Variants in NUAK1 observed in about 807,000 individuals in gnomAD.
NUAK1 encodes the protein NUAK family SNF1-like kinase 1.
NUAK1 carries 26 observed loss-of-function variants against 56.9 expected under a neutral mutation model. The ratio of observed to expected loss-of-function variants is 0.46; its 90% CI spans 0.33 to 0.63. The LOEUF (loss-of-function observed/expected upper bound fraction) is 0.63. Among genes scored for constraint, NUAK1 ranks in the 30% least tolerant of loss-of-function variants. The probability of loss-of-function intolerance (pLI) is 0.02; values close to 1 mark genes in which losing one functional copy is unlikely to be tolerated. For missense variants in NUAK1, 727 were observed against 876.1 expected (o/e 0.83, Z 2.15); for synonymous variants, 337 against 336.0 (o/e 1.00, Z -0.03).
rs2032329437 is a variant in NUAK1, at chr12:106,065,680, C to G, written c.*1122G>C. 1 of 152,646 alleles carries G rather than the reference C, an allele frequency of 6.6e-6. No individual in the cohort carries two copies. Among genetic ancestry groups the G allele is most frequent in the Admixed American group, 6.5e-5 (1 of 15,280 alleles). The allele number at this position is 152,646 out of a possible 1,614,324, so 9.5% of individuals were successfully genotyped here. Reference sequence around the variant, plus strand: ...GGGGAAACCATCTGTCACTGGTGAACAGAGCCAATGGTTCAGCCAGGTAAT... The same window carrying G: ...GGGGAAACCATCTGTCACTGGTGAAGAGAGCCAATGGTTCAGCCAGGTAAT... On this transcript the variant is annotated 3_prime_UTR_variant, in exon 7 of 7. Coordinates refer to ENST00000261402, the MANE Select transcript of NUAK1 (RefSeq NM_014840.3).
chr12:106,093,997 C>G (rs1456529184), intron 2 of NUAK1, among the ~76,000 whole-genome samples: 2 of 151,818 alleles, frequency 1.3e-5, no homozygotes, highest in African/African-American at 4.8e-5. Flanking sequence ...TTGGTAGAGA[C>G]AGGGTTTCGC....
At position 106,138,677 on chromosome 12, in the gene NUAK1, C is replaced by A. The variant is rs201732252; in HGVS notation, c.-24G>T. The A allele has an allele frequency of 6.7e-7, 1 of 1,495,624 alleles. No homozygotes were observed. The allele number at this position is 1,495,624 out of a possible 1,614,324, so 92.6% of individuals were successfully genotyped here. A position where few individuals can be genotyped will look rare whatever the true frequency, so the allele number is the denominator to read the frequency against. ...ATGTCCAAGCGCGGGGCGAGCCGGGCTACAGAGGGCAAGACCGGGCACAGC... is the reference window on the plus strand; with the variant it reads ...ATGTCCAAGCGCGGGGCGAGCCGGGATACAGAGGGCAAGACCGGGCACAGC... On this transcript the variant is annotated 5_prime_UTR_variant, in exon 1 of 7. Coordinates refer to ENST00000261402, the MANE Select transcript of NUAK1 (RefSeq NM_014840.3). The surrounding 1 kb of genome is among the most constrained non-coding windows in gnomAD (Gnocchi z 5.0).
At chr12:106,086,069 G>A (rs2136462219) in intron 3 of NUAK1, among the ~76,000 whole-genome samples, 1 of 152,154 alleles carries the variant, frequency 6.6e-6, no homozygotes, top group African/African-American at 2.4e-5. Flanking sequence ...AGCATAGAAA[G>A]GTTTCAAGAA....
Position 106,072,875 on chromosome 12 carries a change from G to A in NUAK1, c.580-32C>T, listed in dbSNP as rs766314390. ...AGAGAAGCAAGACCCAGGGAGACTTGTTAGCATTCCAGATTATGTCTGTGT... is the reference window on the plus strand; with the variant it reads ...AGAGAAGCAAGACCCAGGGAGACTTATTAGCATTCCAGATTATGTCTGTGT... On this transcript the variant is annotated intron_variant, in intron 4 of 6. Transcript: ENST00000261402. 51 of 1,612,376 alleles carry A rather than the reference G, an allele frequency of 3.2e-5. No individual in the cohort carries two copies. In the East Asian group the frequency reaches 1.1e-3, roughly 36 times the overall value.
intron 2 of NUAK1, among the ~76,000 whole-genome samples, chr12:106,091,472 G>T (rs571295522): frequency 1.3e-5 from 2 of 152,196 alleles, no homozygotes; most frequent in Non-Finnish European, 2.9e-5. Context: ...TTCCCAGTTT[G>T]GAGGGGAAGG....
At chr12:106,088,101 T>C (rs1454456055) in intron 2 of NUAK1, among the ~76,000 whole-genome samples, 1 of 152,210 alleles carries the variant, frequency 6.6e-6, no homozygotes, top group Non-Finnish European at 1.5e-5. Context: ...CAGGGACCCA[T>C]GCAAGGAGGC....
At chr12:106,072,541 G>C (rs1160773130) in intron 5 of NUAK1, among the ~76,000 whole-genome samples, 183 bp downstream of exon 5, 1 of 152,062 alleles carries the variant, frequency 6.6e-6, no homozygotes, top group Non-Finnish European at 1.5e-5. Context: ...AGGCTTTTCT[G>C]GGTTTCCCAA....
rs989676312 is a variant in NUAK1 at position 106,064,211 on chromosome 12, C to G, written c.*2591G>C. 1.3e-5 allele frequency: 2 copies of G among 152,438 alleles called. No homozygotes were observed. Among genetic ancestry groups the G allele is most frequent in the African/African-American group, 4.8e-5 (2 of 41,442 alleles). The allele number at this position is 152,438 out of a possible 1,614,324, so 9.4% of individuals were successfully genotyped here. On this transcript the variant is annotated 3_prime_UTR_variant, in exon 7 of 7. Transcript: ENST00000261402. ...GGGATGACAGGACTTAATGATGAAG[C>G]AGGGAGCTGCTTTAATGGCTTTTCC...
At chr12:106,118,158 G>A (rs944854423) in intron 1 of NUAK1, among the ~76,000 whole-genome samples, 3 of 152,262 alleles carry the variant, frequency 2.0e-5, no homozygotes, top group African/African-American at 7.2e-5. Context: ...CATGCTGTAT[G>A]AATGGCCTCC....
chr12:106,080,294 G>C (rs1304401508), intron 4 of NUAK1, among the ~76,000 whole-genome samples: 1 of 152,194 alleles, frequency 6.6e-6, no homozygotes, highest in African/African-American at 2.4e-5. Flanking sequence ...GAGCTCACCA[G>C]ATTCCCAGCC....
intron 4 of NUAK1, among the ~76,000 whole-genome samples, chr12:106,083,404 C>A (rs1177013593): frequency 2.0e-5 from 3 of 152,146 alleles, no homozygotes; most frequent in Non-Finnish European, 4.4e-5. Context: ...CACTGGATTA[C>A]CTTGGGCAAA....
chr12:106,109,641 T>C (rs2032839036), intron 1 of NUAK1, among the ~76,000 whole-genome samples: 1 of 151,950 alleles, frequency 6.6e-6, no homozygotes, highest in Non-Finnish European at 1.5e-5. Flanking sequence ...ACTGAGCCAG[T>C]GCACAGACAG....
chr12:106,082,707 T>C (rs533772633), intron 4 of NUAK1, among the ~76,000 whole-genome samples: 1 of 152,320 alleles, frequency 6.6e-6, no homozygotes, highest in Non-Finnish European at 1.5e-5. Context: ...CACTGGGTCA[T>C]GGCTTCCAGG....
chr12:106,123,100 T>G (rs1160090824), intron 1 of NUAK1, among the ~76,000 whole-genome samples: 1 of 152,240 alleles, frequency 6.6e-6, no homozygotes, highest in Admixed American at 6.5e-5. Flanking sequence ...TTCAGGCAAT[T>G]TCATTCATTC....
chr12:106,094,824 C>T (rs11837272), intron 2 of NUAK1, among the ~76,000 whole-genome samples: 5,554 of 152,236 alleles, frequency 0.036, 344 homozygotes, highest in African/African-American at 0.13. Flanking sequence ...AAGACCCATC[C>T]GTGCCTGCTA....
intron 2 of NUAK1, 32 bp downstream of exon 2, chr12:106,106,373 T>A: frequency 6.6e-7 from 1 of 1,524,220 alleles, no homozygotes; most frequent in South Asian, 1.2e-5. Context: ...TGGTAACTGA[T>A]ATGGGGGTTA....
chr12:106,129,072 G>A (rs1029415343), intron 1 of NUAK1, among the ~76,000 whole-genome samples: 3 of 152,224 alleles, frequency 2.0e-5, no homozygotes, highest in Non-Finnish European at 2.9e-5. Flanking sequence ...ACGAAGCCAG[G>A]CCAGTGTGAG....
intron 1 of NUAK1, among the ~76,000 whole-genome samples, chr12:106,126,678 G>A (rs532159398): frequency 6.6e-6 from 1 of 152,316 alleles, no homozygotes; most frequent in Admixed American, 6.5e-5. Flanking sequence ...CCCTCTAAGT[G>A]AGACTGCAAA....
At chr12:106,083,799 G>T in intron 4 of NUAK1, 65 bp downstream of exon 4, 1 of 1,445,482 alleles carries the variant, frequency 6.9e-7, no homozygotes, top group Non-Finnish European at 9.7e-7. Context: ...CTTGGAGCAG[G>T]TTAAGCCTCC....
Sources: allele counts gnomAD v4.1 joint callset (sites outside exome capture counted in the v4.1 genomes callset), GRCh38; gene constraint gnomAD v4.1.1; non-coding constraint Gnocchi (gnomAD v3.1); transcripts MANE v1.5; gene names NCBI Gene and HGNC (gene_info 2026-07-23, HGNC 2026-07-21).